Variants in LINGO2 observed in about 807,000 individuals in gnomAD.
LINGO2 encodes leucine rich repeat and Ig domain containing 2.
LINGO2 carries 14 observed loss-of-function variants against 30.6 expected under a neutral mutation model. The observed-to-expected ratio is 0.46, with a 90% CI of 0.30 to 0.72. LINGO2 has a LOEUF of 0.72. LINGO2 is among the 30% of genes least tolerant of loss of function. The pLI is 0.07. For missense variants in LINGO2, 729 were observed against 751.7 expected, an observed-to-expected ratio of 0.97 and a Z score of 0.35; for synonymous variants, 317 against 288.5, an observed-to-expected ratio of 1.10 and a Z score of -1.00.
chr9:28,022,108 A>G (rs115669845), intron 4 of LINGO2, among the ~76,000 whole-genome samples: 1,586 of 152,156 alleles, frequency 0.01, 34 homozygotes, highest in African/African-American at 0.037. Context: ...CTCTTTTGGA[A>G]TATCAGTTAT....
chr9:28,327,965 T>C (rs932870338), intron 3 of LINGO2, among the ~76,000 whole-genome samples: 7 of 152,138 alleles, frequency 4.6e-5, no homozygotes, highest in Admixed American at 4.6e-4. Flanking sequence ...TATGTGAAAG[T>C]ACAACATACA....
chr9:29,126,405 A>G, the LINGO2 span, among the ~76,000 whole-genome samples: 5 of 152,146 alleles, frequency 3.3e-5, no homozygotes, highest in African/African-American at 1.2e-4. Context: ...GCAGTGTGTG[A>G]CACACAAAAA....
chr9:29,174,086 T>A, the LINGO2 span, among the ~76,000 whole-genome samples: 1 of 151,818 alleles, frequency 6.6e-6, no homozygotes, highest in South Asian at 2.1e-4. Context: ...AGATAACAGA[T>A]AAAACTTCAA....
chr9:28,719,961 C>T, the LINGO2 span, among the ~76,000 whole-genome samples: 1 of 151,926 alleles, frequency 6.6e-6, no homozygotes, highest in East Asian at 1.9e-4. Flanking sequence ...AGTAACAAAT[C>T]TTAGTGTTTC....
intron 1 of LINGO2, among the ~76,000 whole-genome samples, chr9:28,661,502 G>A (rs979993073): frequency 3.3e-5 from 5 of 152,114 alleles, no homozygotes; most frequent in African/African-American, 1.2e-4. Context: ...GTTAATCAAA[G>A]CAGATATTAA....
chr9:29,044,037 G>A, the LINGO2 span, among the ~76,000 whole-genome samples: 12 of 151,940 alleles, frequency 7.9e-5, no homozygotes, highest in Non-Finnish European at 1.5e-4. Flanking sequence ...GGTTTCCTAT[G>A]TTTCAATCCT....
At chr9:27,968,330 T>C (rs12001679) in intron 5 of LINGO2, among the ~76,000 whole-genome samples, 11,991 of 152,082 alleles carry the variant, frequency 0.079, 1,570 homozygotes, top group African/African-American at 0.27. Context: ...GAAAGACAAT[T>C]GTATTATTCA....
intron 4 of LINGO2, among the ~76,000 whole-genome samples, chr9:28,222,661 T>G (rs1233877073): frequency 6.6e-6 from 1 of 152,208 alleles, no homozygotes; most frequent in African/African-American, 2.4e-5. Context: ...TGATTTGGTT[T>G]AATAACTATT....
At chr9:29,191,379 T>C in the LINGO2 span, among the ~76,000 whole-genome samples, 6 of 152,178 alleles carry the variant, frequency 3.9e-5, no homozygotes, top group African/African-American at 1.2e-4. Flanking sequence ...TTTTAATAAA[T>C]AGAAACTTGA....
At chr9:29,183,640 G>A in the LINGO2 span, among the ~76,000 whole-genome samples, 1 of 152,012 alleles carries the variant, frequency 6.6e-6, no homozygotes, top group African/African-American at 2.4e-5. Context: ...TTAACCAGTA[G>A]GCACTCAGTG....
At chr9:28,082,659 A>T (rs1825804923) in intron 4 of LINGO2, among the ~76,000 whole-genome samples, 1 of 152,158 alleles carries the variant, frequency 6.6e-6, no homozygotes, top group African/African-American at 2.4e-5. Flanking sequence ...TGTATTATTT[A>T]ATTTTTAAAA....
At chr9:29,139,613 A>G in the LINGO2 span, among the ~76,000 whole-genome samples, 1 of 152,140 alleles carries the variant, frequency 6.6e-6, no homozygotes, top group Non-Finnish European at 1.5e-5. Flanking sequence ...GAAAAAAATT[A>G]GAAGTCAGTT....
chr9:28,307,094 T>C (rs1413636129), intron 3 of LINGO2, among the ~76,000 whole-genome samples: 2 of 151,982 alleles, frequency 1.3e-5, no homozygotes, highest in African/African-American at 2.4e-5. Flanking sequence ...CCAGCATCAT[T>C]CTGATACCAA....
chr9:28,538,870 TC>T (rs1406638373), intron 1 of LINGO2, among the ~76,000 whole-genome samples: 2 of 151,892 alleles, frequency 1.3e-5, no homozygotes, highest in African/African-American at 4.8e-5. Flanking sequence ...GGAGTCATAT[TC>T]ATACCACAGC....
the LINGO2 span, among the ~76,000 whole-genome samples, chr9:28,750,959 A>G: frequency 6.6e-6 from 1 of 151,884 alleles, no homozygotes; most frequent in African/African-American, 2.4e-5. Flanking sequence ...TGCATTTAGT[A>G]TTGCTCAGGA....
intron 4 of LINGO2, among the ~76,000 whole-genome samples, chr9:28,107,209 T>C (rs189632769): frequency 6.6e-6 from 1 of 152,318 alleles, no homozygotes; most frequent in East Asian, 1.9e-4. Flanking sequence ...TATGATTGTT[T>C]GGGGTCTTTC....
chr9:28,496,246 T>C (rs1819622333), intron 1 of LINGO2, among the ~76,000 whole-genome samples: 2 of 152,128 alleles, frequency 1.3e-5, no homozygotes. Context: ...ATCTGTCTAA[T>C]GTTGACAGTG....
intron 5 of LINGO2, among the ~76,000 whole-genome samples, chr9:27,987,011 A>ACTCCAT (rs1821155114): frequency 2.0e-5 from 3 of 151,394 alleles, no homozygotes; most frequent in Non-Finnish European, 4.4e-5. Flanking sequence ...CCACTTTTTC[A>ACTCCAT]CTCCATCTCA....
intron 1 of LINGO2, among the ~76,000 whole-genome samples, chr9:28,627,379 G>A (rs1171904249): frequency 6.6e-6 from 1 of 151,882 alleles, no homozygotes; most frequent in Non-Finnish European, 1.5e-5. Flanking sequence ...CAAAGTCCAG[G>A]GACCCCTATG....
Sources: allele counts gnomAD v4.1 joint callset (sites outside exome capture counted in the v4.1 genomes callset), GRCh38; gene constraint gnomAD v4.1.1; transcripts MANE v1.5; gene names NCBI Gene and HGNC (gene_info 2026-07-23, HGNC 2026-07-21).